ADGRL2: variants seen among roughly 807,000 people sequenced by gnomAD.
ADGRL2 encodes the protein adhesion G protein-coupled receptor L2.
In ADGRL2, 44 loss-of-function variants were observed where a neutral mutation model predicts 157.4. The ratio of observed to expected loss-of-function variants is 0.28; its 90% confidence interval spans 0.22 to 0.36. The LOEUF is 0.36. Ranked by LOEUF, ADGRL2 falls within the 10% of genes least tolerant of loss-of-function variation. The pLI, the probability that ADGRL2 is intolerant of heterozygous loss-of-function variation, is 1.00. For missense variants in ADGRL2, 1,510 were observed against 1,768.9 expected, an observed-to-expected ratio of 0.85 and a Z score of 2.63; for synonymous variants, 585 against 624.7, an observed-to-expected ratio of 0.94 and a Z score of 0.95.
chr1:81,769,631 T>C (rs2086272263), intron 2 of ADGRL2, among the ~76,000 whole-genome samples: 1 of 151,874 alleles, frequency 6.6e-6, no homozygotes, highest in South Asian at 2.1e-4. Context: ...TCTCTTGCTC[T>C]TCTTCAGCAA....
chr1:81,967,074 G>C (rs901235959), intron 13 of ADGRL2, among the ~76,000 whole-genome samples: 1 of 152,116 alleles, frequency 6.6e-6, no homozygotes, highest in Non-Finnish European at 1.5e-5. Context: ...TGATTCCTCT[G>C]CTGTGCCTTA....
rs534341974 is a variant in ADGRL2, at chr1:81,614,189, C to T, written c.-143+33209C>T. On this transcript the variant is annotated intron_variant, in intron 3 of 24. Coordinates refer to the ADGRL2 transcript ENST00000370721. The stretch of plus-strand genomic sequence containing the variant: ...AGATAAACAGACAAAGAAATGCTTC[C>T]TCTTTGGGCAAGACCTGGACCCTCT... Among the ~76,000 whole-genome samples, 4 of 152,188 alleles carry T rather than the reference C, an allele frequency of 2.6e-5. No homozygotes were observed. The East Asian group carries it at 7.7e-4, about 29-fold the overall frequency.
At position 81,722,045 on chromosome 1, in the gene ADGRL2, C is replaced by T. The variant is rs139540236; in HGVS notation, c.-143+22237C>T. ...CGGTGACTCACGCCTGTTATCGCAGCACTTTGGGAGGCCGAGGCGGGCGGA... is the reference window on the plus strand; with the variant it reads ...CGGTGACTCACGCCTGTTATCGCAGTACTTTGGGAGGCCGAGGCGGGCGGA... On this transcript the variant is annotated intron_variant, in intron 1 of 20. Coordinates refer to the ADGRL2 transcript ENST00000359929. 1,709 of 412,374 alleles carry T rather than the reference C, an allele frequency of 4.1e-3. 29 individuals carry two copies. The highest frequency in any genetic ancestry group is 0.033 in the African/African-American group (1,598 of 48,644). The allele number at this position is 412,374 out of a possible 1,614,324, so 25.5% of individuals were successfully genotyped here.
At chr1:81,753,904 A>G (rs2085573039) in intron 1 of ADGRL2, among the ~76,000 whole-genome samples, 1 of 152,214 alleles carries the variant, frequency 6.6e-6, no homozygotes, top group Admixed American at 6.5e-5. Flanking sequence ...AAAGGAGACC[A>G]TCTTTTGAAT....
intron 2 of ADGRL2, among the ~76,000 whole-genome samples, chr1:81,793,213 A>G (rs1026758460): frequency 1.3e-5 from 2 of 152,070 alleles, no homozygotes; most frequent in Non-Finnish European, 2.9e-5. Flanking sequence ...TAACAAAAAT[A>G]TATAATGTAT....
At chr1:81,406,131 C>A (rs1476943118) in intron 1 of ADGRL2, among the ~76,000 whole-genome samples, 1 of 152,136 alleles carries the variant, frequency 6.6e-6, no homozygotes, top group Non-Finnish European at 1.5e-5. Context: ...CTCTTAGCTG[C>A]AGTATGAAAG....
At chr1:81,531,083 CAAAA>C (rs66485040) in intron 2 of ADGRL2, among the ~76,000 whole-genome samples, 2 of 120,052 alleles carry the variant, frequency 1.7e-5, no homozygotes, top group Non-Finnish European at 1.7e-5. Context: ...GACTCTGTTT[CAAAA>C]AAAAAAAAAA....
At chr1:81,824,970 T>TCTCC (rs1276927811) in intron 1 of ADGRL2, among the ~76,000 whole-genome samples, 1 of 151,512 alleles carries the variant, frequency 6.6e-6, no homozygotes, top group East Asian at 2.0e-4. Context: ...TCTCTCTCTC[T>TCTCC]CTCTCTCTCT....
chr1:81,556,312 A>AC (rs2080276362), intron 2 of ADGRL2, among the ~76,000 whole-genome samples: 1 of 87,132 alleles, frequency 1.1e-5, no homozygotes, highest in Non-Finnish European at 2.0e-5. Flanking sequence ...GGCTGTCACA[A>AC]TTTTTTTTTT....
chr1:81,709,646 C>A (rs567227426), intron 1 of ADGRL2, among the ~76,000 whole-genome samples: 2 of 152,140 alleles, frequency 1.3e-5, no homozygotes, highest in Admixed American at 1.3e-4. Flanking sequence ...ACCTAGCTGA[C>A]ACTTGATTTC....
intron 6 of ADGRL2, 47 bp from the exon 7 acceptor site, chr1:81,950,142 A>G (rs370783786): frequency 5.5e-5 from 82 of 1,484,070 alleles, no homozygotes; most frequent in Non-Finnish European, 7.0e-5. Context: ...ACTGTATGTG[A>G]GTGCAAGTGT....
chr1:81,515,107 G>T (rs1484740961), intron 2 of ADGRL2: 4 of 152,052 alleles, frequency 2.6e-5, no homozygotes, highest in Non-Finnish European at 5.9e-5. Context: ...GTTGGTACTT[G>T]GCAGCTCTTC....
At chr1:81,326,596 G>A (rs1660916153) in intron 1 of ADGRL2, among the ~76,000 whole-genome samples, 1 of 152,108 alleles carries the variant, frequency 6.6e-6, no homozygotes. Flanking sequence ...AAGTTTAAGT[G>A]AACTACATAC....
intron 2 of ADGRL2, chr1:81,445,154 T>G (rs934731729): frequency 6.6e-6 from 1 of 152,194 alleles, no homozygotes; most frequent in Non-Finnish European, 1.5e-5. Context: ...AAGCACTGCC[T>G]AAATGTATTT....
intron 1 of ADGRL2, among the ~76,000 whole-genome samples, chr1:81,721,314 G>A (rs2084310055): frequency 6.6e-6 from 1 of 152,020 alleles, no homozygotes; most frequent in Admixed American, 6.6e-5. Context: ...GAGGCTTTAT[G>A]ATGGTATCAA....
At position 81,979,896 on chromosome 1, in the gene ADGRL2, T is replaced by C; in HGVS notation, c.3049T>C (p.Leu1017=). The C allele has an allele frequency of 6.2e-7, 1 of 1,605,790 alleles. No homozygotes were observed. Among genetic ancestry groups the C allele is most frequent in the Middle Eastern group, 1.7e-4 (1 of 6,032 alleles). ...AAATATTATCTTCTTGGTGATCACA[T>C]TGTGCAAAATGGTGAAGCATTCAAA... ...LLNIIFLVIT[L]CKMVKHSNTL... is the part of the protein sequence containing the mutation. Residue 1017 remains leucine (L), a synonymous_variant, in exon 18 of 24, where the codon TTG becomes CTG. Transcript: ENST00000686636.
intron 2 of ADGRL2, among the ~76,000 whole-genome samples, chr1:81,495,334 T>C (rs549096132): frequency 6.6e-6 from 1 of 152,274 alleles, no homozygotes; most frequent in South Asian, 2.1e-4. Context: ...AATTGAAGTT[T>C]GTAAAAGTTA....
chr1:81,583,152 C>T (rs773802203), intron 3 of ADGRL2, among the ~76,000 whole-genome samples: 19 of 152,088 alleles, frequency 1.2e-4, no homozygotes, highest in Non-Finnish European at 2.4e-4. Flanking sequence ...ATATCCTTTC[C>T]TATTCCAAGA....
intron 2 of ADGRL2, among the ~76,000 whole-genome samples, chr1:81,768,343 C>A (rs555525811): frequency 1.8e-3 from 268 of 152,256 alleles, no homozygotes; most frequent in Non-Finnish European, 2.9e-3. Flanking sequence ...ACCTAGCTAG[C>A]CAGAGTTTTT....
Sources: allele counts gnomAD v4.1 joint callset (sites outside exome capture counted in the v4.1 genomes callset), GRCh38; gene constraint gnomAD v4.1.1; transcripts MANE v1.5; gene names NCBI Gene and HGNC (gene_info 2026-07-23, HGNC 2026-07-21).